Variants in ARL15 observed in about 807,000 individuals in gnomAD.
ARL15 encodes the protein ARF like GTPase 15, also known as ADP-ribosylation factor-like protein 15.
ARL15 carries 19 observed loss-of-function variants against 25.2 expected under a neutral mutation model. That is an observed-to-expected ratio of 0.75 (90% CI 0.53 to 1.10). ARL15 has a LOEUF of 1.10. Ranked by LOEUF, ARL15 falls within the 50% of genes least tolerant of loss-of-function variation. The pLI, the probability that ARL15 is intolerant of heterozygous loss-of-function variation, is 0.00. For missense variants in ARL15, 220 were observed against 246.0 expected (o/e 0.89, Z 0.71); for synonymous variants, 94 against 86.8 (o/e 1.08, Z -0.46).
At chr5:53,956,787 G>C (rs1747173245) in intron 4 of ARL15, among the ~76,000 whole-genome samples, 1 of 152,038 alleles carries the variant, frequency 6.6e-6, no homozygotes, top group South Asian at 2.1e-4. Context: ...AAAATCTGGA[G>C]CTGAAAACTA....
chr5:54,262,471 T>C (rs1371145453), intron 1 of ARL15, among the ~76,000 whole-genome samples: 1 of 152,192 alleles, frequency 6.6e-6, no homozygotes, highest in African/African-American at 2.4e-5. Flanking sequence ...AAAGAACCTA[T>C]TACTGAAAAA....
chr5:54,032,267 T>G (rs1750016207), intron 4 of ARL15, among the ~76,000 whole-genome samples: 1 of 152,060 alleles, frequency 6.6e-6, no homozygotes, highest in Non-Finnish European at 1.5e-5. Flanking sequence ...AGAGTCTCAC[T>G]CTGTCGCCCA....
rs753847657 is a variant in ARL15 at position 54,171,820 on chromosome 5, A to G, written c.157T>C (p.Cys53Arg). 6 of 1,613,356 alleles carry G rather than the reference A, an allele frequency of 3.7e-6. No homozygotes were observed. In the South Asian group the frequency reaches 6.6e-5, roughly 18 times the overall value. The change falls in exon 2 of 5, where the codon TGC (cysteine) becomes CGC (arginine). Residue 53 changes from cysteine to arginine, a missense_variant. By Grantham distance (180) the Cys-to-Arg change is radical (BLOSUM62 -3). Transcript: ENST00000504924. ...SGKTSLLSKL[C>R]SESPDNVVST... ...ACGACGTTATCGGGGCTTTCACTGC[A>G]GAGTTTGGACAACAGACTGGTTTTG...
intron 3 of ARL15, among the ~76,000 whole-genome samples, chr5:54,134,526 A>G (rs1297086646): frequency 1.7e-5 from 2 of 119,762 alleles, no homozygotes; most frequent in East Asian, 2.9e-4. Flanking sequence ...TTACATGTCT[A>G]TTATTCCCTA....
intron 1 of ARL15, among the ~76,000 whole-genome samples, chr5:54,270,350 G>A (rs780714768): frequency 1.3e-5 from 2 of 152,148 alleles, no homozygotes; most frequent in African/African-American, 2.4e-5. Context: ...AGAGAGTAGC[G>A]CCTTTCTCTC....
chr5:53,983,198 C>T (rs1011297481), intron 4 of ARL15, among the ~76,000 whole-genome samples: 1 of 152,088 alleles, frequency 6.6e-6, no homozygotes, highest in Non-Finnish European at 1.5e-5. Flanking sequence ...TTTGGTAATT[C>T]AGTGTTGTTT....
chr5:54,060,945 C>T (rs1039613726), intron 4 of ARL15, among the ~76,000 whole-genome samples: 12 of 152,046 alleles, frequency 7.9e-5, no homozygotes, highest in African/African-American at 2.7e-4. Context: ...CCTGACAGTG[C>T]GATAGAAAAG....
chr5:54,164,099 T>A (rs1037920937), intron 2 of ARL15, among the ~76,000 whole-genome samples: 2 of 152,076 alleles, frequency 1.3e-5, no homozygotes, highest in Admixed American at 1.3e-4. Flanking sequence ...TGCAAAATCC[T>A]TTATAATTTC....
At chr5:53,973,574 CAA>C (rs34108460) in intron 4 of ARL15, among the ~76,000 whole-genome samples, 9 of 87,114 alleles carry the variant, frequency 1.0e-4, no homozygotes, top group Admixed American at 1.2e-4. Flanking sequence ...AACTTCATCT[CAA>C]AAAAAAAAAA....
intron 1 of ARL15, among the ~76,000 whole-genome samples, chr5:54,256,287 T>C (rs1187801851): frequency 6.6e-6 from 1 of 151,548 alleles, no homozygotes; most frequent in Non-Finnish European, 1.5e-5. Flanking sequence ...GAACACCCCA[T>C]GCATACACAC....
At chr5:54,137,766 A>C (rs556330758) in intron 3 of ARL15, among the ~76,000 whole-genome samples, 4 of 152,332 alleles carry the variant, frequency 2.6e-5, no homozygotes, top group Non-Finnish European at 5.9e-5. Flanking sequence ...ATCACAGCCT[A>C]TAAAGAATAT....
chr5:54,107,410 T>C (rs546909947), intron 4 of ARL15, among the ~76,000 whole-genome samples: 2 of 152,214 alleles, frequency 1.3e-5, no homozygotes, highest in African/African-American at 4.8e-5. Flanking sequence ...ACATAGAAGA[T>C]CTGTGGAATT....
At chr5:54,267,005 T>G (rs1419393969) in intron 1 of ARL15, among the ~76,000 whole-genome samples, 5 of 152,198 alleles carry the variant, frequency 3.3e-5, no homozygotes, top group Non-Finnish European at 7.4e-5. Context: ...AGCAGAATCA[T>G]CTGGATATTT....
At chr5:54,145,851 T>G (rs896398790) in intron 3 of ARL15, among the ~76,000 whole-genome samples, 4 of 152,250 alleles carry the variant, frequency 2.6e-5, no homozygotes, top group Admixed American at 2.6e-4. Flanking sequence ...TATACTATAG[T>G]ACAGTGAACC....
At chr5:53,974,513 T>C (rs1049748799) in intron 4 of ARL15, among the ~76,000 whole-genome samples, 2 of 152,188 alleles carry the variant, frequency 1.3e-5, no homozygotes, top group Non-Finnish European at 2.9e-5. Flanking sequence ...ACCATGTATC[T>C]GTGAGCAGAG....
chr5:54,290,093 A>G (rs541060154), intron 1 of ARL15, among the ~76,000 whole-genome samples: 60 of 152,168 alleles, frequency 3.9e-4, no homozygotes, highest in Admixed American at 2.7e-3. Flanking sequence ...CAGAATGGTA[A>G]CTCTGAGATT....
At chr5:54,149,226 A>C (rs999404316) in intron 3 of ARL15, among the ~76,000 whole-genome samples, 1 of 152,186 alleles carries the variant, frequency 6.6e-6, no homozygotes, top group African/African-American at 2.4e-5. Context: ...AACAGAAGGA[A>C]AGGTGATGAG....
At chr5:53,946,387 T>C (rs1452489039) in intron 4 of ARL15, among the ~76,000 whole-genome samples, 1 of 142,932 alleles carries the variant, frequency 7.0e-6, no homozygotes, top group Non-Finnish European at 1.5e-5. Flanking sequence ...AAGGCGGAGG[T>C]TGCAGTGAGC....
chr5:54,077,347 C>T (rs1279459910), intron 4 of ARL15, among the ~76,000 whole-genome samples: 1 of 152,144 alleles, frequency 6.6e-6, no homozygotes, highest in African/African-American at 2.4e-5. Context: ...TAGAAAATCA[C>T]CCTCTTTAGA....
Sources: allele counts gnomAD v4.1 joint callset (sites outside exome capture counted in the v4.1 genomes callset), GRCh38; gene constraint gnomAD v4.1.1; transcripts MANE v1.5; gene names NCBI Gene and HGNC (gene_info 2026-07-23, HGNC 2026-07-21).